FRMPD4: variants seen among roughly 807,000 people sequenced by gnomAD.
FRMPD4 encodes FERM and PDZ domain-containing protein 4.
In FRMPD4, 22 loss-of-function variants were observed where a neutral mutation model predicts 94.1. That is an observed-to-expected ratio of 0.23 (90% CI 0.17 to 0.33). The LOEUF is 0.33. Ranked by LOEUF, FRMPD4 falls within the 10% of genes least tolerant of loss-of-function variation. The pLI is 1.00. For synonymous variants in FRMPD4, 631 were observed against 548.6 expected (o/e 1.15, Z -2.10); for missense variants, 1,111 against 1,339.9 (o/e 0.83, Z 2.67).
intron 1 of FRMPD4, among the ~76,000 whole-genome samples, chrX:12,194,184 C>T (rs1292838768): frequency 9.0e-6 from 1 of 110,928 alleles, no homozygotes; most frequent in Non-Finnish European, 1.9e-5. Flanking sequence ...TGTAGTCTTT[C>T]TAGCTACCAC....
At chrX:11,928,929 T>C (rs5933935) in intron 3 of FRMPD4, among the ~76,000 whole-genome samples, 41,092 of 111,583 alleles carry the variant, frequency 0.37, 5,753 homozygotes, top group East Asian at 0.82. Context: ...ACTATGCAGC[T>C]ATAAAAAGAA....
At chrX:11,943,571 C>A (rs1013607478) in intron 3 of FRMPD4, among the ~76,000 whole-genome samples, 9 of 110,241 alleles carry the variant, frequency 8.2e-5, no homozygotes, top group Non-Finnish European at 1.7e-4. Flanking sequence ...TAACAACCCA[C>A]TCTCTGGATA....
chrX:12,547,719 A>G (rs1187875630), intron 2 of FRMPD4, among the ~76,000 whole-genome samples: 3 of 112,434 alleles, frequency 2.7e-5, no homozygotes, highest in Non-Finnish European at 3.8e-5. Flanking sequence ...AACATGAGTA[A>G]TTTTTTTCAT....
chrX:12,295,921 A>G (rs1415388828), intron 1 of FRMPD4, among the ~76,000 whole-genome samples: 2 of 111,622 alleles, frequency 1.8e-5, no homozygotes, highest in Non-Finnish European at 3.8e-5. Context: ...TAGACGCTCA[A>G]TAAATATAGG....
intron 2 of FRMPD4, among the ~76,000 whole-genome samples, chrX:12,553,433 C>CATATATATATATATATATATATATATAT (rs1257665252): frequency 3.5e-5 from 1 of 28,753 alleles, no homozygotes; most frequent in Non-Finnish European, 5.3e-5. Flanking sequence ...TATCCATATG[C>CATATATATATATATATATATATATATAT]CTATATATAT....
chrX:12,147,361 G>A (rs980392792), intron 1 of FRMPD4, among the ~76,000 whole-genome samples: 23 of 111,934 alleles, frequency 2.1e-4, no homozygotes, highest in South Asian at 1.1e-3. Context: ...GGTATTGTAC[G>A]TTTCTAAAAA....
At chrX:12,615,806 TGAA>T (rs2059230430) in intron 4 of FRMPD4, among the ~76,000 whole-genome samples, 1 of 110,710 alleles carries the variant, frequency 9.0e-6, no homozygotes, top group African/African-American at 3.3e-5. Flanking sequence ...TTTTTGCCAT[TGAA>T]AGTAATGGCA....
chrX:12,101,090 G>A (rs942897578), intron 3 of FRMPD4, among the ~76,000 whole-genome samples: 2 of 112,305 alleles, frequency 1.8e-5, no homozygotes, highest in African/African-American at 6.5e-5. Flanking sequence ...TCGTTGGCAT[G>A]TGAATGTGTA....
chrX:12,342,058 G>A (rs933079741), intron 1 of FRMPD4, among the ~76,000 whole-genome samples: 22 of 111,999 alleles, frequency 2.0e-4, no homozygotes, highest in African/African-American at 6.5e-4. Flanking sequence ...TTGTGAACCT[G>A]AGCCATATAT....
rs192059556 is a variant in FRMPD4 at position 12,342,510 on chromosome X, T to C, written c.42-156170T>C. On this transcript the variant is annotated intron_variant, in intron 1 of 16. Transcript: ENST00000675598. Reference sequence around the variant, plus strand: ...CCGGTGCCCTTGATGGGGTCACGGGTGGGTGTGGTCTATTCTAGCTGAGAA... The same window carrying C: ...CCGGTGCCCTTGATGGGGTCACGGGCGGGTGTGGTCTATTCTAGCTGAGAA... Among the ~76,000 whole-genome samples, 8 of 111,142 alleles carry C rather than the reference T, an allele frequency of 7.2e-5. No homozygotes were observed. In the Admixed American group the frequency reaches 7.6e-4, roughly 11 times the overall value.
intron 3 of FRMPD4, among the ~76,000 whole-genome samples, chrX:11,916,923 C>T (rs12689335): frequency 0.34 from 37,827 of 110,246 alleles, 5,112 homozygotes; most frequent in East Asian, 0.81. Flanking sequence ...ACATAAGGCA[C>T]GGGCACATGA....
chrX:12,312,409 C>T (rs927157825), intron 1 of FRMPD4, among the ~76,000 whole-genome samples: 2 of 107,709 alleles, frequency 1.9e-5, no homozygotes, highest in African/African-American at 6.8e-5. Flanking sequence ...CCTGCCACCA[C>T]GCCCAGCTAA....
intron 9 of FRMPD4, 132 bp downstream of exon 9, chrX:12,694,586 A>G (rs896879499): frequency 8.5e-6 from 4 of 468,817 alleles, no homozygotes; most frequent in Non-Finnish European, 1.5e-5. Flanking sequence ...TCGTACGATA[A>G]TTCTATGATG....
At chrX:12,506,584 G>A (rs2057987973) in intron 2 of FRMPD4, among the ~76,000 whole-genome samples, 1 of 112,222 alleles carries the variant, frequency 8.9e-6, no homozygotes, top group African/African-American at 3.2e-5. Flanking sequence ...ACTGTACCCG[G>A]CCTATTTAAT....
chrX:12,717,424 C>T lies in FRMPD4; in HGVS notation c.2675-77C>T, dbSNP rs192174804. 136 of 665,855 alleles carry T rather than the reference C, an allele frequency of 2.0e-4. No individual in the cohort carries two copies. The African/African-American group carries it at 2.4e-3, about 12-fold the overall frequency. The allele number at this position is 665,855 out of a possible 1,213,427, so 54.9% of individuals were successfully genotyped here. ...ACTTGGTATTTTGTTTTAGTAATAA[C>T]GAGTCCCATTTTCTTACATGTCTCC... On this transcript the variant is annotated intron_variant, in intron 15 of 16. Transcript: ENST00000675598.
chrX:12,552,437 T>C (rs2058546955), intron 2 of FRMPD4, among the ~76,000 whole-genome samples: 1 of 111,557 alleles, frequency 9.0e-6, no homozygotes, highest in Admixed American at 9.6e-5. Flanking sequence ...TTCCATCCCC[T>C]AAATCATCCA....
chrX:11,858,111 A>T (rs370556138), intron 1 of FRMPD4, among the ~76,000 whole-genome samples: 1 of 111,928 alleles, frequency 8.9e-6, no homozygotes. Context: ...TGGTGAGTGT[A>T]AATTAGTTCA....
chrX:12,022,855 C>T (rs1029275829), intron 3 of FRMPD4, among the ~76,000 whole-genome samples: 2 of 111,198 alleles, frequency 1.8e-5, no homozygotes, highest in Admixed American at 9.5e-5. Flanking sequence ...CTCTGTCTCA[C>T]GTCCCCCAAT....
chrX:12,518,534 A>G (rs1412874560), intron 2 of FRMPD4, among the ~76,000 whole-genome samples: 1 of 112,048 alleles, frequency 8.9e-6, no homozygotes, highest in Admixed American at 9.4e-5. Flanking sequence ...AAAAGAAAAA[A>G]CACTCAGCAA....
Sources: gnomAD v4.1 joint callset for allele counts (sites outside exome capture counted in the v4.1 genomes callset) on GRCh38, gnomAD v4.1.1 for gene constraint, MANE v1.5 for transcripts, NCBI Gene and HGNC (gene_info 2026-07-23, HGNC 2026-07-21) for gene names.